HMBOX1: variants seen among roughly 807,000 people sequenced by gnomAD.
The protein encoded by HMBOX1 is homeobox containing 1, also known as homeobox-containing protein 1.
A neutral mutation model predicts 54.5 loss-of-function variants in HMBOX1; 14 were observed. The ratio of observed to expected loss-of-function variants is 0.26; its 90% CI spans 0.17 to 0.40. The LOEUF (loss-of-function observed/expected upper bound fraction) is 0.40. HMBOX1 is among the 10% of genes least tolerant of loss of function. The probability of loss-of-function intolerance (pLI) is 1.00; values close to 1 mark genes in which losing one functional copy is unlikely to be tolerated. For missense variants in HMBOX1, 332 were observed against 514.4 expected, an observed-to-expected ratio of 0.65 and a Z score of 3.43; for synonymous variants, 160 against 181.0, an observed-to-expected ratio of 0.88 and a Z score of 0.93.
chr8:28,984,406 G>A (rs573150975), intron 4 of HMBOX1, among the ~76,000 whole-genome samples: 26 of 152,176 alleles, frequency 1.7e-4, no homozygotes, highest in Non-Finnish European at 3.4e-4. Context: ...TAACACATGT[G>A]CTTGTTCCAG....
rs569764558 is a variant in HMBOX1 at position 29,049,910 on chromosome 8, C to T, written c.1125+862C>T. On this transcript the variant is annotated intron_variant, in intron 9 of 9. Coordinates refer to ENST00000287701, the MANE Select transcript of HMBOX1 (RefSeq NM_001135726.3). ...ATAGTCCAATGTGTTCTTTAATAGC[C>T]TCTGTTTACCACACACCTAGAATGC... Among the ~76,000 whole-genome samples the T allele has an allele frequency of 9.2e-5, 14 of 152,278 alleles. No individual in the cohort carries two copies. In the East Asian group the frequency reaches 2.5e-3, roughly 27 times the overall value.
chr8:28,998,009 C>T (rs11136055), intron 4 of HMBOX1, among the ~76,000 whole-genome samples: 87,753 of 152,002 alleles, frequency 0.58, 26,406 homozygotes, highest in East Asian at 0.7. Flanking sequence ...TTTTTATATG[C>T]GTGGTAGAAT....
At chr8:28,921,340 A>G (rs1817525144) in intron 1 of HMBOX1, among the ~76,000 whole-genome samples, 1 of 152,244 alleles carries the variant, frequency 6.6e-6, no homozygotes, top group African/African-American at 2.4e-5. Flanking sequence ...TGTCTCAATC[A>G]TACCTAAACC....
chr8:29,005,641 G>A (rs193296756), intron 4 of HMBOX1, among the ~76,000 whole-genome samples: 2 of 152,144 alleles, frequency 1.3e-5, no homozygotes, highest in Admixed American at 1.3e-4. Context: ...GTCAAGTTAG[G>A]ACACCCATAT....
At chr8:28,906,102 A>T (rs1814282249) in intron 1 of HMBOX1, among the ~76,000 whole-genome samples, 1 of 152,230 alleles carries the variant, frequency 6.6e-6, no homozygotes, top group Non-Finnish European at 1.5e-5. Flanking sequence ...TACTCTAATG[A>T]ATTCTCTAGT....
chr8:29,038,236 G>A (rs2133265094), intron 6 of HMBOX1, among the ~76,000 whole-genome samples: 1 of 152,174 alleles, frequency 6.6e-6, no homozygotes, highest in East Asian at 1.9e-4. Flanking sequence ...AAATTATTTT[G>A]CCACTTTTCA....
At chr8:29,049,276 T>C (rs1299299701) in intron 9 of HMBOX1, 6 of 1,534,382 alleles carry the variant, frequency 3.9e-6, no homozygotes, top group Non-Finnish European at 2.6e-6. Context: ...CATGGATTTA[T>C]TGTCATACAA....
chr8:29,048,822 CAAATG>C, intron 8 of HMBOX1, 127 bp from the exon 9 acceptor site: 1 of 679,092 alleles, frequency 1.5e-6, no homozygotes. Flanking sequence ...CTAAAAGAAA[CAAATG>C]TAGAGAAATA....
chr8:28,973,803 G>GTTTTTTTTTTTTTTTTTTTTTCTT (rs1827852244), intron 3 of HMBOX1, among the ~76,000 whole-genome samples: 1 of 72,618 alleles, frequency 1.4e-5, no homozygotes, highest in Non-Finnish European at 2.6e-5. Flanking sequence ...ACATAATGGA[G>GTTTTTTTTTTTTTTTTTTTTTCTT]TTTTTTTTTT....
At chr8:28,927,545 A>T (rs1818745585) in intron 1 of HMBOX1, among the ~76,000 whole-genome samples, 1 of 151,906 alleles carries the variant, frequency 6.6e-6, no homozygotes, top group African/African-American at 2.4e-5. Context: ...GGAAAAAGAG[A>T]AGGAAGAGAG....
At chr8:29,003,091 T>G (rs1832880935) in intron 4 of HMBOX1, among the ~76,000 whole-genome samples, 1 of 152,006 alleles carries the variant, frequency 6.6e-6, no homozygotes, top group Non-Finnish European at 1.5e-5. Context: ...TGTCTTTTTT[T>G]TTTTCATTTT....
rs1357273169 is a variant in HMBOX1 at position 28,934,707 on chromosome 8, C to A, written c.-57-29104C>A. 1.3e-5 allele frequency among the ~76,000 whole-genome samples: 2 copies of A among 152,074 alleles called. 1 individual carries two copies. Among genetic ancestry groups the A allele is most frequent in the South Asian group, 4.1e-4 (2 of 4,826 alleles). ...TTGGGAGGCTGAGGCGGGCGGATCA[C>A]GAGATCAGGAGATCGAGACCATCCT... On this transcript the variant is annotated intron_variant, in intron 1 of 9. Coordinates refer to ENST00000287701, the MANE Select transcript of HMBOX1 (RefSeq NM_001135726.3).
chr8:29,047,314 A>G, intron 7 of HMBOX1, 44 bp from the exon 8 acceptor site: 6 of 1,132,554 alleles, frequency 5.3e-6, no homozygotes, highest in East Asian at 2.4e-5. Flanking sequence ...TTATTCTTGG[A>G]TCCCAGATAT....
At chr8:28,969,602 T>C (rs1464956766) in intron 2 of HMBOX1, among the ~76,000 whole-genome samples, 2 of 152,232 alleles carry the variant, frequency 1.3e-5, no homozygotes, top group African/African-American at 4.8e-5. Flanking sequence ...TAGCTAATAT[T>C]TGGTAAATAA....
intron 4 of HMBOX1, among the ~76,000 whole-genome samples, chr8:28,981,368 T>C (rs1014727908): frequency 6.6e-6 from 1 of 152,212 alleles, no homozygotes; most frequent in Non-Finnish European, 1.5e-5. Flanking sequence ...ATTTAGGTGT[T>C]TTTCTGTAGG....
chr8:28,905,341 GCACA>G (rs1814095433), intron 1 of HMBOX1, among the ~76,000 whole-genome samples: 1 of 151,932 alleles, frequency 6.6e-6, no homozygotes, highest in Non-Finnish European at 1.5e-5. Context: ...GCGTGCATGC[GCACA>G]CACACGCACG....
intron 1 of HMBOX1, among the ~76,000 whole-genome samples, chr8:28,952,358 C>T (rs1014497214): frequency 6.6e-6 from 1 of 151,942 alleles, no homozygotes; most frequent in Non-Finnish European, 1.5e-5. Context: ...CTCAGCCTCC[C>T]GAGTAGCTGG....
At chr8:28,937,952 T>C (rs1367642374) in intron 1 of HMBOX1, among the ~76,000 whole-genome samples, 1 of 152,208 alleles carries the variant, frequency 6.6e-6, no homozygotes, top group Non-Finnish European at 1.5e-5. Flanking sequence ...AGATCCCTCA[T>C]TGAATCTCCA....
chr8:28,911,450 G>C (rs751339387), intron 1 of HMBOX1, among the ~76,000 whole-genome samples: 1 of 152,140 alleles, frequency 6.6e-6, no homozygotes, highest in Non-Finnish European at 1.5e-5. Context: ...CTGCCTCCCG[G>C]GTTCAAGCGA....
Sources: allele counts gnomAD v4.1 joint callset (sites outside exome capture counted in the v4.1 genomes callset), GRCh38; gene constraint gnomAD v4.1.1; transcripts MANE v1.5; gene names NCBI Gene and HGNC (gene_info 2026-07-23, HGNC 2026-07-21).